The following ASCC3 variants were observed in gnomAD, a reference collection of about 807,000 sequenced individuals.
The protein encoded by ASCC3 is ASC-1 complex subunit P200.
ASCC3 carries 158 observed loss-of-function variants against 256.3 expected under a neutral mutation model. The ratio of observed to expected loss-of-function variants is 0.62; its 90% CI spans 0.54 to 0.70. The LOEUF is 0.70. ASCC3 is among the 30% of genes least tolerant of loss of function. The pLI, the probability that ASCC3 is intolerant of heterozygous loss-of-function variation, is 0.00. For missense variants in ASCC3, 2,259 were observed against 2,626.0 expected (o/e 0.86, Z 3.05); for synonymous variants, 948 against 883.4 (o/e 1.07, Z -1.30).
chr6:100,712,607 C>T (rs1582740425), intron 13 of ASCC3, among the ~76,000 whole-genome samples: 4 of 151,956 alleles, frequency 2.6e-5, no homozygotes, highest in African/African-American at 9.7e-5. Flanking sequence ...ATTGACAAAA[C>T]CAAATGCTGG....
intron 39 of ASCC3, among the ~76,000 whole-genome samples, chr6:100,514,670 CATTTCAA>C (rs1773933786): frequency 1.3e-5 from 2 of 151,870 alleles, no homozygotes; most frequent in South Asian, 4.2e-4. Flanking sequence ...ACTGCTAAGA[CATTTCAA>C]TACCAGCCAA....
intron 8 of ASCC3, among the ~76,000 whole-genome samples, chr6:100,792,850 T>C (rs1235879612): frequency 6.6e-6 from 1 of 151,972 alleles, no homozygotes; most frequent in African/African-American, 2.4e-5. Context: ...TTGAGTTGCA[T>C]GAGAAAATTA....
At chr6:100,772,330 C>T (rs1781979111) in intron 8 of ASCC3, among the ~76,000 whole-genome samples, 2 of 152,104 alleles carry the variant, frequency 1.3e-5, no homozygotes, top group Non-Finnish European at 2.9e-5. Context: ...AAAAGAAGTA[C>T]ATGTACATAC....
intron 8 of ASCC3, among the ~76,000 whole-genome samples, chr6:100,791,766 T>G (rs745452694): frequency 6.6e-5 from 10 of 152,012 alleles, no homozygotes; most frequent in Non-Finnish European, 1.3e-4. Context: ...GACAAAATCA[T>G]GTGTTTCACT....
In ASCC3 at chr6:100,725,687, G is replaced by A; in HGVS notation, c.1754C>T (p.Pro585Leu). The A allele has an allele frequency of 6.2e-7, 1 of 1,612,348 alleles. No individual in the cohort carries two copies. The highest frequency in any genetic ancestry group is 8.5e-7 in the Non-Finnish European group (1 of 1,178,890). Residue 585 changes from proline to leucine, a missense_variant, in exon 11 of 42, where the codon CCA becomes CTA. This residue lies in a region of ASCC3 where 1,839 missense variants were observed against 2,206.7 expected (regional missense o/e 0.83). Coordinates refer to ENST00000369162, the MANE Select transcript of ASCC3 (RefSeq NM_006828.4). The stretch of plus-strand genomic sequence containing the variant: ...TCTTGTCACTACATCCCATTTTTCT[G>A]GTGTGGTCACAAGCATCTATAAGAG... ...ILRTQMLVTTPEKWDVVTRKS... is the reference protein window; with the variant it reads ...ILRTQMLVTTLEKWDVVTRKS...
At chr6:100,876,480 G>C (rs750974271) in intron 1 of ASCC3, among the ~76,000 whole-genome samples, 2 of 152,186 alleles carry the variant, frequency 1.3e-5, no homozygotes, top group Non-Finnish European at 2.9e-5. Flanking sequence ...GTAACACAGA[G>C]GCAGTGGGAC....
intron 13 of ASCC3, among the ~76,000 whole-genome samples, chr6:100,684,398 C>T (rs1777456971): frequency 6.6e-6 from 1 of 152,106 alleles, no homozygotes; most frequent in Non-Finnish European, 1.5e-5. Context: ...ACACAGATTG[C>T]TGCTGTTTCC....
intron 36 of ASCC3, among the ~76,000 whole-genome samples, chr6:100,545,064 T>C (rs1775642964): frequency 6.6e-6 from 1 of 152,010 alleles, no homozygotes; most frequent in Non-Finnish European, 1.5e-5. Flanking sequence ...CATTATCATC[T>C]CAGTTATACA....
At chr6:100,567,025 A>G (rs564117078) in intron 36 of ASCC3, among the ~76,000 whole-genome samples, 1 of 152,266 alleles carries the variant, frequency 6.6e-6, no homozygotes, top group South Asian at 2.1e-4. Context: ...AACTCAGTTA[A>G]TCACTATCCC....
Position 100,799,533 on chromosome 6 carries a change from C to T in ASCC3, c.1167G>A (p.Leu389=), listed in dbSNP as rs1231325560. ...CAACGTCTGCATCTCTCTGCCTGCT[C>T]AGAATTGGAACACTTCTAGCATTCA... ...ALLNARSVPI[L]SRQRDADVEK... The change falls in exon 7 of 42, where the codon CTG becomes CTA. Residue 389 remains leucine, a synonymous_variant. Coordinates refer to ENST00000369162, the MANE Select transcript of ASCC3 (RefSeq NM_006828.4). The T allele has an allele frequency of 6.2e-7, 1 of 1,612,920 alleles. No homozygotes were observed.
At chr6:100,685,920 C>G (rs1445280127) in intron 13 of ASCC3, among the ~76,000 whole-genome samples, 3 of 152,184 alleles carry the variant, frequency 2.0e-5, no homozygotes, top group Non-Finnish European at 2.9e-5. Flanking sequence ...GCTGAAGACA[C>G]TCAAGTCATC....
rs1316934180 is a variant in ASCC3, at chr6:100,647,269, C to G, written c.3435G>C (p.Lys1145Asn). Reference sequence around the variant, plus strand: ...TGTCTTTCAGCTTATCCACAGTAAGCTTTTTTTCTTCTAATCTTGTTAGGA... The same window carrying G: ...TGTCTTTCAGCTTATCCACAGTAAGGTTTTTTTCTTCTAATCTTGTTAGGA... ...PHILTRLEEKKLTVDKLKDMR... is the reference protein window; with the variant it reads ...PHILTRLEEKNLTVDKLKDMR... Residue 1145 changes from lysine to asparagine, a missense_variant, in exon 21 of 42, where the codon AAG becomes AAC. Lys to Asn is a moderately conservative substitution (Grantham distance 94). Around this residue, in one of 2 missense-constraint regions of ASCC3, gnomAD observed 1,839 missense variants for 2,206.7 expected, o/e 0.83. Transcript: ENST00000369162. 6.2e-7 allele frequency: 1 copy of G among 1,613,834 alleles called. No homozygotes were observed. The highest frequency in any genetic ancestry group is 1.3e-5 in the African/African-American group (1 of 74,890).
chr6:100,707,962 C>T (rs941414989), intron 13 of ASCC3, among the ~76,000 whole-genome samples: 1 of 152,066 alleles, frequency 6.6e-6, no homozygotes, highest in Non-Finnish European at 1.5e-5. Context: ...TCCCCCAAAC[C>T]CCACCTGGAT....
intron 36 of ASCC3, among the ~76,000 whole-genome samples, chr6:100,576,910 G>GAA (rs930659678): frequency 2.8e-5 from 4 of 144,318 alleles, no homozygotes; most frequent in African/African-American, 1.0e-4. Flanking sequence ...TGTCACAGGA[G>GAA]AAAAAAAAAA....
chr6:100,760,171 G>A (rs1269374373), intron 10 of ASCC3, among the ~76,000 whole-genome samples: 1 of 152,092 alleles, frequency 6.6e-6, no homozygotes, highest in Non-Finnish European at 1.5e-5. Flanking sequence ...GCCCTGGCCA[G>A]AACTTCCAAT....
At chr6:100,622,004 C>A (rs1364756718) in intron 30 of ASCC3, among the ~76,000 whole-genome samples, 1 of 152,112 alleles carries the variant, frequency 6.6e-6, no homozygotes, top group Non-Finnish European at 1.5e-5. Flanking sequence ...AACCAAACAC[C>A]CCATGTTCTC....
intron 4 of ASCC3, among the ~76,000 whole-genome samples, chr6:100,809,103 C>G (rs1770331325): frequency 6.6e-6 from 1 of 151,670 alleles, no homozygotes; most frequent in Non-Finnish European, 1.5e-5. Flanking sequence ...ATGTGAAGGC[C>G]TAGGATGTTA....
At position 100,666,694 on chromosome 6, in the gene ASCC3, G is replaced by C. The variant is rs112213421; in HGVS notation, c.2287-4158C>G. The stretch of plus-strand genomic sequence containing the variant: ...TTTTTTACAGAAGGATATTTGCAAT[G>C]ATGTTTTTATCCACCTGTGTTATAA... On this transcript the variant is annotated intron_variant, in intron 14 of 41. Coordinates refer to ENST00000369162, the MANE Select transcript of ASCC3 (RefSeq NM_006828.4). 3.3e-5 allele frequency among the ~76,000 whole-genome samples: 5 copies of C among 152,216 alleles called. 1 individual carries two copies. The highest frequency in any genetic ancestry group is 1.2e-4 in the African/African-American group (5 of 41,534).
intron 25 of ASCC3, among the ~76,000 whole-genome samples, chr6:100,633,401 G>A (rs142173967): frequency 1.2e-3 from 188 of 152,174 alleles, no homozygotes; most frequent in Admixed American, 3.4e-3. Flanking sequence ...CAAAGCACAA[G>A]AGTAGTGATA....
Sources: allele counts gnomAD v4.1 joint callset (sites outside exome capture counted in the v4.1 genomes callset), GRCh38; gene constraint gnomAD v4.1.1; regional missense constraint gnomAD v4.1.1; transcripts MANE v1.5; gene names NCBI Gene and HGNC (gene_info 2026-07-23, HGNC 2026-07-21).